ELP3: variants seen among roughly 807,000 people sequenced by gnomAD.
The protein encoded by ELP3 is elongator complex protein 3.
In ELP3, 56 loss-of-function variants were observed where a neutral mutation model predicts 74.9. The observed-to-expected ratio is 0.75, with a 90% CI of 0.60 to 0.93. The LOEUF is 0.93. Ranked by LOEUF, ELP3 falls within the 40% of genes least tolerant of loss-of-function variation. ELP3 has a pLI of 0.00. For missense variants in ELP3, 573 were observed against 686.5 expected, an observed-to-expected ratio of 0.83 and a Z score of 1.85; for synonymous variants, 222 against 239.8, an observed-to-expected ratio of 0.93 and a Z score of 0.68.
chr8:28,112,364 C>G (rs1453723393), intron 6 of ELP3: 2 of 152,168 alleles, frequency 1.3e-5, no homozygotes, highest in Non-Finnish European at 2.9e-5. Flanking sequence ...AACTCCTGAC[C>G]TCAGGTGATC....
At chr8:28,175,096 C>T (rs1380845282) in intron 14 of ELP3, among the ~76,000 whole-genome samples, 1 of 152,158 alleles carries the variant, frequency 6.6e-6, no homozygotes, top group Non-Finnish European at 1.5e-5. Flanking sequence ...AACAGTTTGA[C>T]TCATATTGTG....
chr8:28,106,868 G>A, intron 4 of ELP3, 85 bp downstream of exon 4: 1 of 982,408 alleles, frequency 1.0e-6, no homozygotes, highest in Non-Finnish European at 1.6e-6. Context: ...GTACATCCTG[G>A]TAATGTTTAA....
At chr8:28,158,071 G>T (rs971673459) in intron 11 of ELP3, among the ~76,000 whole-genome samples, 1 of 89,182 alleles carries the variant, frequency 1.1e-5, no homozygotes, top group Non-Finnish European at 2.2e-5. Context: ...AAAAAAAAAA[G>T]CCATCTTCAA....
rs1813478429 is a variant in ELP3 at position 28,147,513 on chromosome 8, C to G, written c.1101-8429C>G. Among the ~76,000 whole-genome samples, 1 of 152,122 alleles carries G rather than the reference C, an allele frequency of 6.6e-6. No homozygotes were observed. ...TTTACAAACATTTAAAAGGTGAAAGCTGAAAAGAACACCAACGTACCATGT... is the reference window on the plus strand; with the variant it reads ...TTTACAAACATTTAAAAGGTGAAAGGTGAAAAGAACACCAACGTACCATGT... On this transcript the variant is annotated intron_variant, in intron 10 of 14. Coordinates refer to ENST00000256398, the MANE Select transcript of ELP3 (RefSeq NM_018091.6). The surrounding 1 kb of genome is among the most constrained non-coding windows in gnomAD (Gnocchi z 4.5).
chr8:28,097,657 A>C (rs1277764220), intron 2 of ELP3, among the ~76,000 whole-genome samples: 1 of 151,984 alleles, frequency 6.6e-6, no homozygotes, highest in Non-Finnish European at 1.5e-5. Flanking sequence ...CGGCCTCCCA[A>C]AGTGCTGGGA....
intron 13 of ELP3, 148 bp downstream of exon 13, chr8:28,160,604 G>A (rs1025275173): frequency 1.5e-6 from 1 of 685,634 alleles, no homozygotes; most frequent in Non-Finnish European, 2.4e-6. Context: ...TGTTTTAGTT[G>A]TTCAGAGATG....
chr8:28,129,756 C>T lies in ELP3; in HGVS notation c.779+93C>T. 3 of 1,446,734 alleles carry T rather than the reference C, an allele frequency of 2.1e-6. No homozygotes were observed. In the East Asian group the frequency reaches 6.8e-5, roughly 33 times the overall value. The allele number at this position is 1,446,734 out of a possible 1,614,324, so 89.6% of individuals were successfully genotyped here. On this transcript the variant is annotated intron_variant, in intron 8 of 14. Coordinates refer to ENST00000256398, the MANE Select transcript of ELP3 (RefSeq NM_018091.6). ...CCAGCCTTTCTTCCTTCTGACCACT[C>T]TTAGGGAAAGAAGTATGGGTATTCC...
intron 3 of ELP3, among the ~76,000 whole-genome samples, chr8:28,104,175 A>G (rs1468419295): frequency 2.0e-5 from 3 of 152,196 alleles, no homozygotes; most frequent in African/African-American, 7.2e-5. Context: ...ATCTAGTCAC[A>G]TCTTTTGCCC....
rs894529908 is a variant in ELP3 at position 28,113,297 on chromosome 8, C to G, written c.617+124C>G. 3.8e-5 allele frequency: 25 copies of G among 658,138 alleles called. No homozygotes were observed. The African/African-American group carries it at 4.3e-4, about 11-fold the overall frequency. The allele number at this position is 658,138 out of a possible 1,614,324, so 40.8% of individuals were successfully genotyped here. ...TTACTTCTCATAATCTTTCTTGTTTCATGGGAAAGGATTATTTCAGTGAAA... is the reference window on the plus strand; with the variant it reads ...TTACTTCTCATAATCTTTCTTGTTTGATGGGAAAGGATTATTTCAGTGAAA... On this transcript the variant is annotated intron_variant, in intron 7 of 14. Transcript: ENST00000256398.
At chr8:28,184,625 T>A in intron 14 of ELP3, among the ~76,000 whole-genome samples, 1 of 152,206 alleles carries the variant, frequency 6.6e-6, no homozygotes, top group Non-Finnish European at 1.5e-5. Flanking sequence ...GTGTTAGATG[T>A]AAGGAACTCT....
intron 13 of ELP3, 109 bp from the exon 14 acceptor site, chr8:28,161,888 T>G: frequency 9.6e-7 from 1 of 1,037,838 alleles, no homozygotes; most frequent in Non-Finnish European, 1.4e-6. Flanking sequence ...TTTTTCACTC[T>G]TAACAGATTT....
intron 7 of ELP3, among the ~76,000 whole-genome samples, chr8:28,114,124 A>C (rs1367960845): frequency 6.6e-6 from 1 of 151,640 alleles, no homozygotes; most frequent in Non-Finnish European, 1.5e-5. Flanking sequence ...TTATTTAACA[A>C]ATCCTTCTTG....
chr8:28,158,527 T>TGCCCCCCC, intron 11 of ELP3, 41 bp from the exon 12 acceptor site: 1 of 1,213,192 alleles, frequency 8.2e-7, no homozygotes, highest in Non-Finnish European at 1.2e-6. Context: ...TTTGTACCCC[T>TGCCCCCCC]CCCACCCCCC....
chr8:28,101,271 T>A (rs1199582389), intron 3 of ELP3, among the ~76,000 whole-genome samples: 3 of 151,126 alleles, frequency 2.0e-5, no homozygotes, highest in Non-Finnish European at 4.4e-5. Flanking sequence ...AAAAAAAAAA[T>A]TAGCCGGGCG....
chr8:28,093,050 G>A (rs746489043), upstream of ELP3: 93 of 1,147,360 alleles, frequency 8.1e-5, no homozygotes, highest in Middle Eastern at 9.5e-4. Flanking sequence ...TTGCAACACG[G>A]GGCGGGGCGT....
Position 28,164,721 on chromosome 8 carries a change from A to T in ELP3, c.1567+2643A>T, listed in dbSNP as rs79986670. Among the ~76,000 whole-genome samples the T allele has an allele frequency of 2.8e-4, 42 of 152,246 alleles. No individual in the cohort carries two copies. In the East Asian group the frequency reaches 4.8e-3, roughly 17 times the overall value. ...TTTTATTTCTCCAATTTAGTAATCT[A>T]TTACTGTTCTGTGTAAGTTTCTGAA... On this transcript the variant is annotated intron_variant, in intron 14 of 14. Coordinates refer to ENST00000256398, the MANE Select transcript of ELP3 (RefSeq NM_018091.6).
At chr8:28,101,196 T>TC (rs1811467366) in intron 3 of ELP3, among the ~76,000 whole-genome samples, 1 of 151,868 alleles carries the variant, frequency 6.6e-6, no homozygotes, top group South Asian at 2.1e-4. Context: ...GGTGGGCCGA[T>TC]CACAAGGTCA....
chr8:28,163,449 T>G (rs922141426), intron 14 of ELP3, among the ~76,000 whole-genome samples: 1 of 151,774 alleles, frequency 6.6e-6, no homozygotes, highest in South Asian at 2.1e-4. Flanking sequence ...ATTATGAAAA[T>G]GTAATGACTC....
chr8:28,132,326 T>C lies in ELP3; in HGVS notation c.828T>C (p.Asp276=). 1 of 1,614,124 alleles carries C rather than the reference T, an allele frequency of 6.2e-7. No homozygotes were observed. Among genetic ancestry groups the C allele is most frequent in the South Asian group, 1.1e-5 (1 of 91,084 alleles). Residue 276 remains aspartate, a synonymous_variant, in exon 9 of 15, where the codon GAT becomes GAC. Transcript: ENST00000256398. ...GTGAGTCATTTCACCTGGCCAAAGATTCCGGTTTTAAAGTGGTGGCCCATA... is the reference window on the plus strand; with the variant it reads ...GTGAGTCATTTCACCTGGCCAAAGACTCCGGTTTTAAAGTGGTGGCCCATA... ...AVCESFHLAK[D]SGFKVVAHMM...
Sources: allele counts gnomAD v4.1 joint callset (sites outside exome capture counted in the v4.1 genomes callset), GRCh38; gene constraint gnomAD v4.1.1; non-coding constraint Gnocchi (gnomAD v3.1); transcripts MANE v1.5; gene names NCBI Gene and HGNC (gene_info 2026-07-23, HGNC 2026-07-21).